Variants in ACACA observed in about 807,000 individuals in gnomAD.
The protein encoded by ACACA is acetyl-CoA carboxylase 1.
ACACA carries 103 observed loss-of-function variants against 296.1 expected under a neutral mutation model. The ratio of observed to expected loss-of-function variants is 0.35; its 90% CI spans 0.30 to 0.41. ACACA has a LOEUF of 0.41. Among genes scored for constraint, ACACA ranks in the 10% least tolerant of loss-of-function variants. The pLI is 1.00. For missense variants in ACACA, 1,554 were observed against 2,989.7 expected, an observed-to-expected ratio of 0.52 and a Z score of 11.20; for synonymous variants, 953 against 1,038.6, an observed-to-expected ratio of 0.92 and a Z score of 1.58.
chr17:37,254,606 G>A (rs2081142121), intron 14 of ACACA, among the ~76,000 whole-genome samples: 2 of 152,078 alleles, frequency 1.3e-5, no homozygotes, highest in Admixed American at 6.5e-5. Flanking sequence ...GTAAAGTTTT[G>A]TGAGGAGAGA....
At chr17:37,132,610 A>T (rs1208094265) in intron 45 of ACACA, among the ~76,000 whole-genome samples, 1 of 152,238 alleles carries the variant, frequency 6.6e-6, no homozygotes. Flanking sequence ...TTCACAATCT[A>T]GGTCAGGAGC....
At chr17:37,234,062 T>C (rs1453567786) in intron 25 of ACACA, among the ~76,000 whole-genome samples, 2 of 152,162 alleles carry the variant, frequency 1.3e-5, no homozygotes, top group Non-Finnish European at 2.9e-5. Context: ...AAAAATAGCA[T>C]GAAGATGTAT....
intron 49 of ACACA, among the ~76,000 whole-genome samples, chr17:37,121,715 T>C (rs1243950447): frequency 1.3e-5 from 2 of 152,236 alleles, no homozygotes; most frequent in Admixed American, 1.3e-4. Context: ...ATAATAACTC[T>C]GTAGTCAAAA....
intron 6 of ACACA, among the ~76,000 whole-genome samples, chr17:37,277,489 T>C (rs779838068): frequency 1.2e-4 from 19 of 152,236 alleles, no homozygotes; most frequent in Non-Finnish European, 2.4e-4. Flanking sequence ...TACACTGCCA[T>C]CTAAGTTTAG....
intron 3 of ACACA, among the ~76,000 whole-genome samples, chr17:37,319,678 C>T (rs775635509): frequency 1.3e-5 from 2 of 151,880 alleles, no homozygotes; most frequent in Admixed American, 6.6e-5. Context: ...TTAGGCCAGG[C>T]GCTGTGGCTC....
At chr17:37,378,005 C>A (rs534868477) in intron 1 of ACACA, 1 of 1,577,134 alleles carries the variant, frequency 6.3e-7, no homozygotes, top group South Asian at 1.1e-5. Context: ...TATTGCCATT[C>A]CAAAAAATTT....
chr17:37,292,940 CAA>C (rs2083142512), intron 3 of ACACA, among the ~76,000 whole-genome samples: 1 of 152,170 alleles, frequency 6.6e-6, no homozygotes, highest in African/African-American at 2.4e-5. Context: ...AAACAGGAAA[CAA>C]AGTGTGAAGC....
intron 18 of ACACA, among the ~76,000 whole-genome samples, chr17:37,247,540 T>C (rs1174827298): frequency 1.3e-5 from 2 of 152,190 alleles, no homozygotes; most frequent in Non-Finnish European, 2.9e-5. Context: ...GTTAATTTTG[T>C]ATTTTTAGTA....
chr17:37,316,499 G>A (rs2047101849), intron 3 of ACACA, among the ~76,000 whole-genome samples: 2 of 152,100 alleles, frequency 1.3e-5, no homozygotes, highest in African/African-American at 4.8e-5. Context: ...ACAATGTTTG[G>A]CTAGACACTA....
chr17:37,109,508 C>T (rs2073869642), intron 52 of ACACA, among the ~76,000 whole-genome samples: 1 of 152,202 alleles, frequency 6.6e-6, no homozygotes, highest in African/African-American at 2.4e-5. Flanking sequence ...TCCCAAGCTG[C>T]CCTAGGCCAG....
chr17:37,150,005 T>C, intron 44 of ACACA, 31 bp from the exon 45 acceptor site: 14 of 1,582,710 alleles, frequency 8.8e-6, no homozygotes, highest in Non-Finnish European at 1.2e-5. Flanking sequence ...ACATGTCACA[T>C]ATTTATGTCC....
intron 16 of ACACA, among the ~76,000 whole-genome samples, chr17:37,250,297 TTGTGC>T (rs1224451508): frequency 3.9e-5 from 6 of 152,330 alleles, no homozygotes; most frequent in African/African-American, 1.4e-4. Flanking sequence ...CTTATCTTTT[TTGTGC>T]CTTTTGAATT....
chr17:37,201,296 C>T (rs753627010), intron 33 of ACACA, among the ~76,000 whole-genome samples: 2 of 151,966 alleles, frequency 1.3e-5, no homozygotes, highest in Admixed American at 1.3e-4. Flanking sequence ...AAAAAATGAG[C>T]CAAGTGTGGT....
intron 24 of ACACA, among the ~76,000 whole-genome samples, chr17:37,239,117 C>A (rs1237274485): frequency 2.0e-5 from 3 of 152,182 alleles, no homozygotes; most frequent in African/African-American, 7.2e-5. Context: ...GCATGAGCCA[C>A]TACATCTAGC....
At chr17:37,318,009 G>T (rs772670847) in intron 3 of ACACA, among the ~76,000 whole-genome samples, 12 of 152,132 alleles carry the variant, frequency 7.9e-5, no homozygotes, top group Non-Finnish European at 1.5e-4. Flanking sequence ...ATCAAGGAAG[G>T]AGCACTGAAA....
intron 3 of ACACA, among the ~76,000 whole-genome samples, chr17:37,288,197 ACTT>A (rs2082880435): frequency 2.0e-5 from 3 of 152,164 alleles, no homozygotes; most frequent in African/African-American, 7.2e-5. Flanking sequence ...TTTTTTAATC[ACTT>A]CATTTTTCTT....
intron 38 of ACACA, 56 bp from the exon 39 acceptor site, chr17:37,188,536 T>A: frequency 2.6e-6 from 4 of 1,564,894 alleles, no homozygotes; most frequent in Non-Finnish European, 3.5e-6. Context: ...CTAAGACCTG[T>A]TTCAGGTCTG....
intron 1 of ACACA, chr17:37,379,385 G>A (rs2050145786): frequency 5.0e-6 from 8 of 1,612,728 alleles, no homozygotes; most frequent in Non-Finnish European, 6.8e-6. Context: ...AGGCAAAGGT[G>A]AGATTGGAAA....
At chr17:37,200,113 C>T in intron 35 of ACACA, 26 bp downstream of exon 35, 1 of 1,539,116 alleles carries the variant, frequency 6.5e-7, no homozygotes, top group Non-Finnish European at 9.0e-7. Context: ...AGTAAGTAAT[C>T]TTTCATTATT....
Sources: gnomAD v4.1 joint callset for allele counts (sites outside exome capture counted in the v4.1 genomes callset) on GRCh38, gnomAD v4.1.1 for gene constraint, MANE v1.5 for transcripts, NCBI Gene and HGNC (gene_info 2026-07-23, HGNC 2026-07-21) for gene names.